SLAIN2: variants seen among roughly 807,000 people sequenced by gnomAD.
SLAIN2 encodes SLAIN family member 2.
SLAIN2 carries 31 observed loss-of-function variants against 56.6 expected under a neutral mutation model. The observed-to-expected ratio is 0.55, with a 90% confidence interval of 0.41 to 0.74. The LOEUF (loss-of-function observed/expected upper bound fraction) is 0.74. Among genes scored for constraint, SLAIN2 ranks in the 30% least tolerant of loss-of-function variants. SLAIN2 has a pLI of 0.00. For missense variants in SLAIN2, 777 were observed against 754.2 expected (o/e 1.03, Z -0.35); for synonymous variants, 317 against 284.9 (o/e 1.11, Z -1.13).
At chr4:48,405,341 G>A (rs1347750489) in intron 6 of SLAIN2, among the ~76,000 whole-genome samples, 1 of 152,064 alleles carries the variant, frequency 6.6e-6, no homozygotes, top group East Asian at 1.9e-4. Context: ...TATCATCCAA[G>A]TTTTGAAACT....
intron 6 of SLAIN2, among the ~76,000 whole-genome samples, chr4:48,390,019 GAC>G (rs1356399230): frequency 2.0e-5 from 3 of 151,980 alleles, no homozygotes; most frequent in Non-Finnish European, 1.5e-5. Context: ...AAGATCTGAA[GAC>G]ACAGCAGTGA....
Position 48,422,918 on chromosome 4 carries a change from T to A in SLAIN2, c.*841T>A, listed in dbSNP as rs1560468474. 1 of 152,202 alleles carries A rather than the reference T, an allele frequency of 6.6e-6. No homozygotes were observed. The highest frequency in any genetic ancestry group is 6.6e-5 in the Admixed American group (1 of 15,266). 9.4% of individuals were successfully genotyped at this position (152,202 alleles called of 1,614,324 possible). On this transcript the variant is annotated 3_prime_UTR_variant, in exon 8 of 8. Transcript: ENST00000264313. Reference sequence around the variant, plus strand: ...CCAACTTCTTCACATGCTGTTATCTTTACAGAACTAAGAGATCTTGTTTCT... The same window carrying A: ...CCAACTTCTTCACATGCTGTTATCTATACAGAACTAAGAGATCTTGTTTCT...
intron 1 of SLAIN2, among the ~76,000 whole-genome samples, chr4:48,342,530 C>A (rs541230211): frequency 6.6e-6 from 1 of 151,988 alleles, no homozygotes; most frequent in Non-Finnish European, 1.5e-5. Flanking sequence ...GAGGGGTCTG[C>A]TTGATGAGGT....
At chr4:48,363,744 G>T (rs1192014747) in intron 1 of SLAIN2, among the ~76,000 whole-genome samples, 1 of 93,864 alleles carries the variant, frequency 1.1e-5, no homozygotes, top group Admixed American at 9.5e-5. Flanking sequence ...CCAGGCGGGG[G>T]GCTGACCCCC....
At chr4:48,345,500 G>GTT (rs927943933) in intron 1 of SLAIN2, among the ~76,000 whole-genome samples, 8 of 147,626 alleles carry the variant, frequency 5.4e-5, no homozygotes, top group South Asian at 2.1e-4. Flanking sequence ...ATCAAATGCT[G>GTT]TTTTTTTTTT....
intron 1 of SLAIN2, among the ~76,000 whole-genome samples, chr4:48,360,216 T>G (rs894520855): frequency 6.6e-6 from 1 of 151,992 alleles, no homozygotes; most frequent in Non-Finnish European, 1.5e-5. Context: ...AAAAGTGGCA[T>G]TTTGAAAGGC....
intron 7 of SLAIN2, among the ~76,000 whole-genome samples, chr4:48,420,870 A>G (rs1717128635): frequency 6.6e-6 from 1 of 152,234 alleles, no homozygotes; most frequent in South Asian, 2.1e-4. Flanking sequence ...CCCTTATTCT[A>G]TAATTCAGAA....
intron 2 of SLAIN2, among the ~76,000 whole-genome samples, chr4:48,372,009 C>CACATATACATATATACACATATATAT (rs1328582866): frequency 1.3e-5 from 2 of 150,292 alleles, no homozygotes; most frequent in East Asian, 1.9e-4. Flanking sequence ...CACACACACA[C>CACATATACATATATACACATATATAT]ACATATACAT....
At chr4:48,358,262 A>G (rs1283936933) in intron 1 of SLAIN2, among the ~76,000 whole-genome samples, 1 of 152,116 alleles carries the variant, frequency 6.6e-6, no homozygotes, top group African/African-American at 2.4e-5. Flanking sequence ...AGTGCCTGAC[A>G]TGTAATGAGC....
chr4:48,406,525 CTTTT>C (rs34797619), intron 6 of SLAIN2, among the ~76,000 whole-genome samples: 1,737 of 135,044 alleles, frequency 0.013, 18 homozygotes, highest in South Asian at 0.021. Context: ...CTCTCTCTCT[CTTTT>C]TTTTTTTTTT....
At chr4:48,375,099 G>A (rs1349134989) in intron 2 of SLAIN2, among the ~76,000 whole-genome samples, 2 of 152,158 alleles carry the variant, frequency 1.3e-5, no homozygotes, top group African/African-American at 4.8e-5. Flanking sequence ...TTCCTTAGGA[G>A]AAAGAATATG....
In SLAIN2 at chr4:48,424,732, T is replaced by TA. The variant is rs2109794962; in HGVS notation, c.*2656dup. ...CTGGGGACCATTCATAATTGTCAGA[T>TA]ACTTTTTAAAATTATCTCAATACAT... On this transcript the variant is annotated 3_prime_UTR_variant, in exon 8 of 8. Coordinates refer to ENST00000264313, the MANE Select transcript of SLAIN2 (RefSeq NM_020846.2). 6.6e-6 allele frequency: 1 copy of TA among 152,188 alleles called. No individual in the cohort carries two copies. The highest frequency in any genetic ancestry group is 1.9e-4 in the East Asian group (1 of 5,192). 9.4% of individuals were successfully genotyped at this position (152,188 alleles called of 1,614,324 possible). A position where few individuals can be genotyped will look rare whatever the true frequency, so the allele number is the denominator to read the frequency against.
chr4:48,405,013 T>G (rs1483930733), intron 6 of SLAIN2, among the ~76,000 whole-genome samples: 2 of 152,250 alleles, frequency 1.3e-5, no homozygotes, highest in African/African-American at 2.4e-5. Flanking sequence ...GTTGTAGGAC[T>G]TTACTTGTTC....
intron 2 of SLAIN2, among the ~76,000 whole-genome samples, chr4:48,376,580 AT>A (rs1169794654): frequency 7.7e-5 from 10 of 129,098 alleles, no homozygotes; most frequent in East Asian, 2.2e-4. Context: ...TGCATAGCAC[AT>A]TTTTTTTTTC....
chr4:48,361,916 T>C (rs1715336965), intron 1 of SLAIN2, among the ~76,000 whole-genome samples: 1 of 152,248 alleles, frequency 6.6e-6, no homozygotes, highest in South Asian at 2.1e-4. Flanking sequence ...ATTTTATTCC[T>C]TTTGATGCTG....
In SLAIN2 at chr4:48,401,319, C is replaced by A. The variant is rs534120585; in HGVS notation, c.1360+17535C>A. ...CTTAATTCAGAGCTGGGTTCAGGTC[C>A]TAATATCTTTGTTAATTTTCTGTCT... On this transcript the variant is annotated intron_variant, in intron 6 of 7. Coordinates refer to ENST00000264313, the MANE Select transcript of SLAIN2 (RefSeq NM_020846.2). Among the ~76,000 whole-genome samples the A allele has an allele frequency of 7.2e-5, 11 of 152,134 alleles. No homozygotes were observed. In the South Asian group the frequency reaches 2.1e-3, roughly 29 times the overall value.
At chr4:48,399,859 G>A (rs1177677901) in intron 6 of SLAIN2, among the ~76,000 whole-genome samples, 4 of 152,234 alleles carry the variant, frequency 2.6e-5, no homozygotes, top group Admixed American at 1.3e-4. Flanking sequence ...AAGCCAACTG[G>A]ATCTTGGTGG....
intron 6 of SLAIN2, chr4:48,394,552 T>G: frequency 6.5e-7 from 1 of 1,530,656 alleles, no homozygotes; most frequent in Non-Finnish European, 8.8e-7. Flanking sequence ...CAGGCAAATA[T>G]TACAGTTCCT....
At chr4:48,346,076 C>T (rs1714857657) in intron 1 of SLAIN2, among the ~76,000 whole-genome samples, 1 of 152,198 alleles carries the variant, frequency 6.6e-6, no homozygotes, top group African/African-American at 2.4e-5. Flanking sequence ...ATTACTATCA[C>T]CAACCTATTA....
Sources: gnomAD v4.1 joint callset for allele counts (sites outside exome capture counted in the v4.1 genomes callset) on GRCh38, gnomAD v4.1.1 for gene constraint, MANE v1.5 for transcripts, NCBI Gene and HGNC (gene_info 2026-07-23, HGNC 2026-07-21) for gene names.